Variants in PHACTR4 observed in about 807,000 individuals in gnomAD.
PHACTR4 encodes phosphatase and actin regulator 4.
Under a neutral mutation model 72.7 loss-of-function variants are expected in PHACTR4, and 51 were observed. The observed-to-expected ratio is 0.70, with a 90% CI of 0.56 to 0.89. PHACTR4 has a LOEUF of 0.89. PHACTR4 is among the 40% of genes least tolerant of loss of function. The pLI is 0.00. For missense variants in PHACTR4, 731 were observed against 861.8 expected (o/e 0.85, Z 1.90); for synonymous variants, 255 against 302.5 (o/e 0.84, Z 1.63).
chr1:28,385,139 C>T (rs1286150022), intron 1 of PHACTR4, among the ~76,000 whole-genome samples: 1 of 152,070 alleles, frequency 6.6e-6, no homozygotes, highest in Non-Finnish European at 1.5e-5. Context: ...CTCTAAATAT[C>T]CCTCTTAACA....
intron 2 of PHACTR4, among the ~76,000 whole-genome samples, chr1:28,434,608 C>T (rs1443634959): frequency 6.6e-6 from 1 of 152,218 alleles, no homozygotes; most frequent in Non-Finnish European, 1.5e-5. Flanking sequence ...GCATGAGCCA[C>T]TGTGCCCAGC....
intron 1 of PHACTR4, among the ~76,000 whole-genome samples, chr1:28,394,783 A>G (rs1653358488): frequency 2.0e-5 from 3 of 151,252 alleles, no homozygotes; most frequent in South Asian, 4.2e-4. Flanking sequence ...TTTAGTGGAG[A>G]TGGGGTTTCT....
rs1259968805 is a variant in PHACTR4, at chr1:28,473,619, A to G, written c.889A>G (p.Lys297Glu). The change falls in exon 7 of 14, where the codon AAG becomes GAG. Residue 297 changes from lysine to glutamate, a missense_variant. This residue lies in a region of PHACTR4 where 621 missense variants were observed against 676.6 expected (regional missense o/e 0.92). Coordinates refer to ENST00000373839, the MANE Select transcript of PHACTR4 (RefSeq NM_001048183.3). ...AAAACCGTCCCCACCCTTACCACCT[A>G]AGAGAGGCATTCCATCAACCTCAGT... ...LSKPSPPLPP[K>E]RGIPSTSVPT... 1.9e-6 allele frequency: 3 copies of G among 1,613,892 alleles called. No individual in the cohort carries two copies. Among genetic ancestry groups the G allele is most frequent in the East Asian group, 2.2e-5 (1 of 44,882 alleles).
At chr1:28,450,728 C>T (rs1051450542) in intron 2 of PHACTR4, among the ~76,000 whole-genome samples, 6 of 151,846 alleles carry the variant, frequency 4.0e-5, no homozygotes, top group Admixed American at 3.3e-4. Context: ...TAAGCAGTTC[C>T]CTCGCCTTAG....
intron 4 of PHACTR4, among the ~76,000 whole-genome samples, chr1:28,465,335 G>A (rs1312499365): frequency 3.3e-5 from 5 of 152,006 alleles, no homozygotes; most frequent in African/African-American, 7.2e-5. Flanking sequence ...GGTGGCAGGC[G>A]TCTAGTCCCA....
chr1:28,411,484 G>C (rs1463675314), intron 2 of PHACTR4, among the ~76,000 whole-genome samples: 3 of 152,070 alleles, frequency 2.0e-5, no homozygotes, highest in Non-Finnish European at 4.4e-5. Context: ...CCTTCTAAAT[G>C]TTATAATGAT....
chr1:28,438,288 A>G, intron 2 of PHACTR4: 1 of 1,512,516 alleles, frequency 6.6e-7, no homozygotes, highest in Non-Finnish European at 8.9e-7. Context: ...CTGAAAGAGG[A>G]CCGCATGTCC....
Position 28,493,007 on chromosome 1 carries a change from C to T in PHACTR4, c.2017-8C>T, listed in dbSNP as rs926253700. 7.5e-6 allele frequency: 12 copies of T among 1,608,180 alleles called. No homozygotes were observed. Among genetic ancestry groups the T allele is most frequent in the Admixed American group, 1.7e-5 (1 of 59,902 alleles). On this transcript the variant is annotated splice_polypyrimidine_tract_variant and splice_region_variant and intron_variant, in intron 12 of 13. Transcript: ENST00000373839. ...AGAAGCTGAAACATTTTTGTCTCTACTCCACAGGCTGCCATAAGAAAAGAA... is the reference window on the plus strand; with the variant it reads ...AGAAGCTGAAACATTTTTGTCTCTATTCCACAGGCTGCCATAAGAAAAGAA...
At chr1:28,430,587 T>C (rs1656189989) in intron 2 of PHACTR4, among the ~76,000 whole-genome samples, 1 of 152,200 alleles carries the variant, frequency 6.6e-6, no homozygotes, top group Non-Finnish European at 1.5e-5. Flanking sequence ...AATTATATAT[T>C]CAGAGGTTGA....
chr1:28,492,621 G>T (rs868203582), intron 12 of PHACTR4, among the ~76,000 whole-genome samples: 2 of 152,056 alleles, frequency 1.3e-5, no homozygotes, highest in Middle Eastern at 3.4e-3. Flanking sequence ...ATAGCCGGAC[G>T]TGGTAGTGCG....
intron 1 of PHACTR4, among the ~76,000 whole-genome samples, chr1:28,404,153 T>C (rs1028734663): frequency 2.0e-5 from 3 of 152,180 alleles, no homozygotes; most frequent in Non-Finnish European, 4.4e-5. Flanking sequence ...TTTCACCATG[T>C]TGGCTAGGCT....
At chr1:28,414,113 T>C (rs1557797885) in intron 2 of PHACTR4, among the ~76,000 whole-genome samples, 1 of 152,190 alleles carries the variant, frequency 6.6e-6, no homozygotes, top group African/African-American at 2.4e-5. Context: ...TCTTGCTCTG[T>C]CACCCAGGCT....
chr1:28,437,613 T>G (rs915607773), intron 2 of PHACTR4, among the ~76,000 whole-genome samples: 8 of 152,180 alleles, frequency 5.3e-5, no homozygotes, highest in Admixed American at 3.9e-4. Flanking sequence ...GAGGGCCTTC[T>G]TCCTGGTTTC....
chr1:28,418,983 T>C (rs1054477914), intron 2 of PHACTR4, among the ~76,000 whole-genome samples: 5 of 124,422 alleles, frequency 4.0e-5, no homozygotes, highest in African/African-American at 1.4e-4. Context: ...ATTTAAATCA[T>C]TTGACCTTTC....
chr1:28,377,022 C>G (rs1408184301), intron 1 of PHACTR4, among the ~76,000 whole-genome samples: 1 of 151,494 alleles, frequency 6.6e-6, no homozygotes, highest in African/African-American at 2.4e-5. Flanking sequence ...CTCTGCCTCC[C>G]GGGTTCAAGC....
intron 2 of PHACTR4, among the ~76,000 whole-genome samples, chr1:28,440,328 G>T (rs1162777228): frequency 1.0e-4 from 12 of 119,872 alleles, no homozygotes; most frequent in Non-Finnish European, 1.9e-4. Context: ...AAAAAAAAAA[G>T]TTCATCTGAG....
chr1:28,443,307 G>A (rs991304014), intron 2 of PHACTR4, among the ~76,000 whole-genome samples: 4 of 97,580 alleles, frequency 4.1e-5, no homozygotes, highest in African/African-American at 1.2e-4. Context: ...TCGTTCTTTC[G>A]TCTCAACTCT....
At chr1:28,421,276 A>G (rs956939342) in intron 2 of PHACTR4, among the ~76,000 whole-genome samples, 5 of 152,284 alleles carry the variant, frequency 3.3e-5, no homozygotes, top group African/African-American at 1.2e-4. Flanking sequence ...ACACACATAC[A>G]CACTCACATG....
chr1:28,416,222 C>G (rs368522829), intron 2 of PHACTR4, among the ~76,000 whole-genome samples: 23 of 152,134 alleles, frequency 1.5e-4, no homozygotes, highest in African/African-American at 2.9e-4. Flanking sequence ...TCCATTTTTT[C>G]TCCTAGTGGT....
Sources: gnomAD v4.1 joint callset for allele counts (sites outside exome capture counted in the v4.1 genomes callset) on GRCh38, gnomAD v4.1.1 for gene constraint, gnomAD v4.1.1 regional missense constraint, MANE v1.5 for transcripts, NCBI Gene and HGNC (gene_info 2026-07-23, HGNC 2026-07-21) for gene names.